The following STK24 variants were observed in gnomAD, a reference collection of about 807,000 sequenced individuals.
STK24 encodes the protein serine/threonine kinase 24.
A neutral mutation model predicts 55.6 loss-of-function variants in STK24; 21 were observed. The observed-to-expected ratio is 0.38, with a 90% CI of 0.27 to 0.54. The LOEUF (loss-of-function observed/expected upper bound fraction) is 0.54. Among genes scored for constraint, STK24 ranks in the 20% least tolerant of loss-of-function variants. The pLI, the probability that STK24 is intolerant of heterozygous loss-of-function variation, is 0.79. For missense variants in STK24, 383 were observed against 538.4 expected, an observed-to-expected ratio of 0.71 and a Z score of 2.86; for synonymous variants, 200 against 215.2, an observed-to-expected ratio of 0.93 and a Z score of 0.62.
At chr13:98,460,772 G>A (rs1469845680) in intron 8 of STK24, among the ~76,000 whole-genome samples, 3 of 152,020 alleles carry the variant, frequency 2.0e-5, no homozygotes, top group African/African-American at 4.8e-5. Context: ...GGGCGTGGTG[G>A]CTCATGCCTG....
At position 98,463,827 on chromosome 13, in the gene STK24, C is replaced by G. The variant is rs780654939; in HGVS notation, c.793G>C (p.Ala265Pro). ...LNKEPSFRPT[A>P]KELLKHKFIL... ...AACTTGTGCTTCAATAACTCCTTAG[C>G]AGTGGGTCTCTGGAAAAACACACCC... Residue 265 changes from alanine to proline, a missense_variant, in exon 7 of 11, where the codon GCT (alanine) becomes CCT (proline). Physicochemically the swap from Ala to Pro is conservative, Grantham distance 27. Transcript: ENST00000539966. 1 of 1,612,950 alleles carries G rather than the reference C, an allele frequency of 6.2e-7. No homozygotes were observed. The highest frequency in any genetic ancestry group is 1.1e-5 in the South Asian group (1 of 90,822).
At chr13:98,485,660 T>C (rs1344505626) in intron 2 of STK24, among the ~76,000 whole-genome samples, 2 of 152,238 alleles carry the variant, frequency 1.3e-5, no homozygotes, top group Non-Finnish European at 2.9e-5. Flanking sequence ...TGTAAGTTTC[T>C]CCCAAAGTTA....
chr13:98,521,897 G>T, intron 1 of STK24: 1 of 921,264 alleles, frequency 1.1e-6, no homozygotes, highest in Non-Finnish European at 1.8e-6. Flanking sequence ...CCCCCTTCTC[G>T]CTCCTTCTTC....
intron 1 of STK24, among the ~76,000 whole-genome samples, chr13:98,541,243 C>T (rs1166270752): frequency 6.6e-6 from 1 of 152,078 alleles, no homozygotes; most frequent in Non-Finnish European, 1.5e-5. Flanking sequence ...AGGCCTTCTC[C>T]CTGTAACCGG....
intron 2 of STK24, among the ~76,000 whole-genome samples, chr13:98,516,504 C>T (rs545828820): frequency 6.6e-6 from 1 of 152,200 alleles, no homozygotes; most frequent in Non-Finnish European, 1.5e-5. Flanking sequence ...TCCCACGAAG[C>T]ACACTATTCA....
rs556106950 is a variant in STK24 at position 98,508,214 on chromosome 13, G to T, written c.273+11029C>A. 8.5e-5 allele frequency among the ~76,000 whole-genome samples: 13 copies of T among 152,134 alleles called. No homozygotes were observed. In the South Asian group the frequency reaches 2.7e-3, roughly 32 times the overall value. ...AACCTATGAGAAGCTGATGTATTTC[G>T]TATACAGGATCCCAAAAGCAGAAAT... On this transcript the variant is annotated intron_variant, in intron 2 of 10. Coordinates refer to ENST00000539966, the MANE Select transcript of STK24 (RefSeq NM_001032296.4).
At chr13:98,459,215 T>C (rs1331510768) in intron 9 of STK24, among the ~76,000 whole-genome samples, 1 of 152,158 alleles carries the variant, frequency 6.6e-6, no homozygotes, top group Non-Finnish European at 1.5e-5. Context: ...AAGCGCAGGA[T>C]GGCGCTCAAC....
chr13:98,559,550 T>C (rs1250134307), intron 1 of STK24, among the ~76,000 whole-genome samples: 4 of 152,186 alleles, frequency 2.6e-5, no homozygotes, highest in Non-Finnish European at 2.9e-5. Flanking sequence ...AGTATGAAAA[T>C]GGACTCATAC....
intron 5 of STK24, among the ~76,000 whole-genome samples, chr13:98,466,843 G>C (rs191309138): frequency 6.6e-6 from 1 of 151,836 alleles, no homozygotes; most frequent in Non-Finnish European, 1.5e-5. Context: ...GGAGTCCCGG[G>C]GGCCAGCAGG....
chr13:98,576,837 C>CCGCGCGGGGCGGCGAGG lies in STK24; in HGVS notation c.-68_-52dup. ...GACGGGACGGCCGGGCCGCGACGAT[C>CCGCGCGGGGCGGCGAGG]CGCGCGGGGCGGCGAGGCCCGCGGG... On this transcript the variant is annotated 5_prime_UTR_variant, in exon 1 of 11. Coordinates refer to ENST00000539966, the MANE Select transcript of STK24 (RefSeq NM_001032296.4). The CCGCGCGGGGCGGCGAGG allele has an allele frequency of 8.8e-7, 1 of 1,135,034 alleles. No homozygotes were observed. Among genetic ancestry groups the CCGCGCGGGGCGGCGAGG allele is most frequent in the South Asian group, 3.6e-5 (1 of 27,518 alleles). 70.3% of individuals were successfully genotyped at this position (1,135,034 alleles called of 1,614,324 possible).
At chr13:98,484,077 A>T (rs1894712573) in intron 2 of STK24, among the ~76,000 whole-genome samples, 1 of 152,188 alleles carries the variant, frequency 6.6e-6, no homozygotes, top group African/African-American at 2.4e-5. Context: ...TTCAATAACC[A>T]TCCAGTCACG....
At chr13:98,492,653 C>A (rs1294236233) in intron 2 of STK24, among the ~76,000 whole-genome samples, 1 of 152,124 alleles carries the variant, frequency 6.6e-6, no homozygotes, top group East Asian at 1.9e-4. Context: ...AGAAAACAAC[C>A]CCACAATTTT....
At chr13:98,573,492 T>C (rs1897794775) in intron 1 of STK24, among the ~76,000 whole-genome samples, 1 of 152,210 alleles carries the variant, frequency 6.6e-6, no homozygotes, top group Non-Finnish European at 1.5e-5. Flanking sequence ...TACTGAAATA[T>C]AAAACTGGGG....
intron 2 of STK24, among the ~76,000 whole-genome samples, chr13:98,489,923 A>G (rs1894956433): frequency 6.6e-6 from 1 of 152,236 alleles, no homozygotes; most frequent in Non-Finnish European, 1.5e-5. Flanking sequence ...GAGCGAGGAG[A>G]AAAGCAAAGT....
chr13:98,516,167 G>A (rs1184693112), intron 2 of STK24, among the ~76,000 whole-genome samples: 1 of 152,150 alleles, frequency 6.6e-6, no homozygotes, highest in African/African-American at 2.4e-5. Flanking sequence ...TTCTTCTCCT[G>A]CTCAATTATA....
chr13:98,466,222 A>T (rs905646743), intron 6 of STK24, among the ~76,000 whole-genome samples, 154 bp downstream of exon 6: 14 of 152,372 alleles, frequency 9.2e-5, no homozygotes, highest in African/African-American at 3.4e-4. Context: ...GTATTTGCAA[A>T]CCAAAGAAGT....
At chr13:98,464,224 T>C (rs1893839921) in intron 6 of STK24, among the ~76,000 whole-genome samples, 1 of 151,986 alleles carries the variant, frequency 6.6e-6, no homozygotes, top group Non-Finnish European at 1.5e-5. Flanking sequence ...GAGACCACCC[T>C]GGCTAACATG....
chr13:98,530,599 C>T lies in STK24; in HGVS notation c.43-11126G>A, dbSNP rs528840243. ...CACTGAGCAGGTCCATCACTGTCTC[C>T]GGAGCTCTGACAGCAACATACAACA... On this transcript the variant is annotated intron_variant, in intron 1 of 10. Coordinates refer to ENST00000539966, the MANE Select transcript of STK24 (RefSeq NM_001032296.4). Among the ~76,000 whole-genome samples the T allele has an allele frequency of 2.4e-4, 36 of 152,228 alleles. 2 individuals carry two copies. In the South Asian group the frequency reaches 6.2e-3, roughly 26 times the overall value.
intron 1 of STK24, chr13:98,576,008 T>C (rs1897879670): frequency 1.0e-6 from 1 of 985,112 alleles, no homozygotes; most frequent in African/African-American, 1.7e-5. Context: ...AAGAGAGGTT[T>C]ACTGGGCGAA....
Sources: allele counts gnomAD v4.1 joint callset (sites outside exome capture counted in the v4.1 genomes callset), GRCh38; gene constraint gnomAD v4.1.1; transcripts MANE v1.5; gene names NCBI Gene and HGNC (gene_info 2026-07-23, HGNC 2026-07-21).